CHAT: variants seen among roughly 807,000 people sequenced by gnomAD.
CHAT encodes the protein acetyl CoA:choline O-acetyltransferase.
A neutral mutation model predicts 76.9 loss-of-function variants in CHAT; 61 were observed. The observed-to-expected ratio is 0.79, with a 90% CI of 0.65 to 0.98. The LOEUF (loss-of-function observed/expected upper bound fraction) is 0.98. Among genes scored for constraint, CHAT ranks in the 50% least tolerant of loss-of-function variants. The probability of loss-of-function intolerance (pLI) is 0.00; values close to 1 mark genes in which losing one functional copy is unlikely to be tolerated. For missense variants in CHAT, 946 were observed against 986.9 expected, an observed-to-expected ratio of 0.96 and a Z score of 0.56; for synonymous variants, 407 against 397.4, an observed-to-expected ratio of 1.02 and a Z score of -0.29.
chr10:49,616,697 T>G, intron 2 of CHAT, 95 bp downstream of exon 2: 1 of 891,906 alleles, frequency 1.1e-6, no homozygotes, highest in Non-Finnish European at 1.8e-6. Flanking sequence ...CCCCCAGCAT[T>G]TGCCTGGCCC....
chr10:49,610,653 C>G (rs1249753448), upstream of CHAT: 1 of 1,335,952 alleles, frequency 7.5e-7, no homozygotes, highest in African/African-American at 1.5e-5. Context: ...ACAGCCTCCC[C>G]GAAGTCCCGT....
intron 7 of CHAT, among the ~76,000 whole-genome samples, chr10:49,636,556 TC>T (rs1839300243): frequency 1.3e-5 from 2 of 152,198 alleles, no homozygotes; most frequent in South Asian, 4.1e-4. Flanking sequence ...AAATGTTCCC[TC>T]CTCTTATATT....
At chr10:49,609,366 G>A (rs984768016), upstream of CHAT, among the ~76,000 whole-genome samples, 2 of 152,192 alleles carry the variant, frequency 1.3e-5, no homozygotes, top group South Asian at 2.1e-4. Context: ...TGAGGGATGG[G>A]GGAGTGTGCA....
rs1460137300 is a variant in CHAT at position 49,664,909 on chromosome 10, T to G, written c.2110T>G (p.Ser704Ala). 1 of 1,614,098 alleles carries G rather than the reference T, an allele frequency of 6.2e-7. No homozygotes were observed. Among genetic ancestry groups the G allele is most frequent in the Non-Finnish European group, 8.5e-7 (1 of 1,180,032 alleles). Reference protein sequence around the residue: ...SSFHSCKETSSSKFAKAVEES... With the variant: ...SSFHSCKETSASKFAKAVEES... ...CTTTCACAGCTGCAAAGAGACTTCTTCTAGCAAGTTTGCAAAAGCTGTGGA... is the reference window on the plus strand; with the variant it reads ...CTTTCACAGCTGCAAAGAGACTTCTGCTAGCAAGTTTGCAAAAGCTGTGGA... Residue 704 changes from serine to alanine, a missense_variant, in exon 15 of 15, where the codon TCT (serine) becomes GCT (alanine). Ser to Ala is a moderately conservative substitution (Grantham distance 99, BLOSUM62 1). Coordinates refer to ENST00000337653, the MANE Select transcript of CHAT (RefSeq NM_020549.5).
chr10:49,662,227 C>T (rs1176001381), intron 13 of CHAT, among the ~76,000 whole-genome samples: 1 of 152,204 alleles, frequency 6.6e-6, no homozygotes, highest in East Asian at 1.9e-4. Flanking sequence ...GCACAGGATC[C>T]GGTAGTCTCC....
intron 7 of CHAT, among the ~76,000 whole-genome samples, chr10:49,634,578 C>T (rs554486029): frequency 6.6e-6 from 1 of 152,352 alleles, no homozygotes; most frequent in South Asian, 2.1e-4. Context: ...GTACCACTCT[C>T]TCTGTGTGCA....
intron 7 of CHAT, among the ~76,000 whole-genome samples, chr10:49,635,348 C>T (rs1196408978): frequency 2.6e-5 from 4 of 152,124 alleles, no homozygotes; most frequent in Non-Finnish European, 4.4e-5. Flanking sequence ...AAAGGACATC[C>T]GGGTTGTTTC....
At chr10:49,628,067 G>A (rs1838989270) in intron 7 of CHAT, among the ~76,000 whole-genome samples, 2 of 152,162 alleles carry the variant, frequency 1.3e-5, no homozygotes, top group South Asian at 4.2e-4. Context: ...TTAGCTGGAG[G>A]AAGGCTGGCT....
chr10:49,662,520 G>A (rs781662772), intron 13 of CHAT, 125 bp from the exon 14 acceptor site: 1 of 1,247,506 alleles, frequency 8.0e-7, no homozygotes, highest in Non-Finnish European at 1.2e-6. Flanking sequence ...GTTGGCAGCA[G>A]GCACTGGGTA....
intron 14 of CHAT, 111 bp from the exon 15 acceptor site, chr10:49,664,666 A>G: frequency 1.6e-6 from 2 of 1,289,346 alleles, no homozygotes; most frequent in South Asian, 1.2e-5. Context: ...CAATCACTTG[A>G]TTTGGTTAAT....
intron 7 of CHAT, among the ~76,000 whole-genome samples, chr10:49,640,154 ATTTAT>A (rs1261981564): frequency 6.6e-5 from 10 of 151,322 alleles, no homozygotes; most frequent in Admixed American, 3.9e-4. Context: ...ACTGCTTTTT[ATTTAT>A]TTTATTTTAA....
In CHAT at chr10:49,625,627, C is replaced by T. The variant is rs1327132476; in HGVS notation, c.907C>T (p.His303Tyr). The T allele has an allele frequency of 6.3e-7, 1 of 1,584,552 alleles. No homozygotes were observed. Among genetic ancestry groups the T allele is most frequent in the South Asian group, 1.1e-5 (1 of 87,232 alleles). ...CAGCAGCATCATGCCGGAGCCTGAG[C>T]ACGTCATCGTAGCCTGCTGCAATCA... The part of the protein sequence containing the change: ...QNSSIMPEPE[H>Y]VIVACCNQFF... Residue 303 changes from histidine to tyrosine, a missense_variant, in exon 6 of 15, where the codon CAC (histidine) becomes TAC (tyrosine). Coordinates refer to ENST00000337653, the MANE Select transcript of CHAT (RefSeq NM_020549.5).
At chr10:49,613,844 G>A (rs1359602332), upstream of CHAT, among the ~76,000 whole-genome samples, 1 of 152,184 alleles carries the variant, frequency 6.6e-6, no homozygotes, top group Non-Finnish European at 1.5e-5. Flanking sequence ...GGGAAGTCCT[G>A]CAGTGAATAT....
chr10:49,609,638 C>T (rs1159500701), upstream of CHAT, among the ~76,000 whole-genome samples: 3 of 152,126 alleles, frequency 2.0e-5, no homozygotes, highest in African/African-American at 7.2e-5. Context: ...CACAAGCTCC[C>T]GGCCGCGATT....
Position 49,665,116 on chromosome 10 carries a change from CG to C in CHAT, c.*71del. 6.5e-7 allele frequency: 1 copy of C among 1,548,960 alleles called. No individual in the cohort carries two copies. Among genetic ancestry groups the C allele is most frequent in the Non-Finnish European group, 8.9e-7 (1 of 1,125,526 alleles). ...GCCAGACCCTGCAGATCCCCACTCC[CG>C]TCCCTTACCCCAGCTTTCCACAGCT... On this transcript the variant is annotated 3_prime_UTR_variant, in exon 15 of 15. Transcript: ENST00000337653.
intron 10 of CHAT, among the ~76,000 whole-genome samples, chr10:49,651,383 C>T (rs1261378756): frequency 6.6e-6 from 1 of 152,102 alleles, no homozygotes; most frequent in Non-Finnish European, 1.5e-5. Context: ...GCTATGCGCT[C>T]TCCAGTGGGG....
chr10:49,649,887 T>A (rs1009296991), intron 10 of CHAT, among the ~76,000 whole-genome samples: 51 of 147,694 alleles, frequency 3.5e-4, no homozygotes, highest in Non-Finnish European at 5.5e-4. Context: ...TTTTTTTTTT[T>A]TTTTTTTCAG....
At chr10:49,639,547 AC>A (rs1839409960) in intron 7 of CHAT, among the ~76,000 whole-genome samples, 2 of 5,944 alleles carry the variant, frequency 3.4e-4, no homozygotes, top group Non-Finnish European at 2.8e-3. Context: ...ATATACACAC[AC>A]ACACACACAC....
At chr10:49,656,668 G>A (rs1035522535) in intron 13 of CHAT, among the ~76,000 whole-genome samples, 3 of 152,206 alleles carry the variant, frequency 2.0e-5, no homozygotes, top group Non-Finnish European at 4.4e-5. Flanking sequence ...GAAAAGCAGA[G>A]CACAGCTTGC....
Sources: gnomAD v4.1 joint callset for allele counts (sites outside exome capture counted in the v4.1 genomes callset) on GRCh38, gnomAD v4.1.1 for gene constraint, MANE v1.5 for transcripts, NCBI Gene and HGNC (gene_info 2026-07-23, HGNC 2026-07-21) for gene names.